Variants in CELF2 observed in about 807,000 individuals in gnomAD.
CELF2 encodes CUGBP Elav-like family member 2.
CELF2 carries 8 observed loss-of-function variants against 62.6 expected under a neutral mutation model. That is an observed-to-expected ratio of 0.13 (90% CI 0.07 to 0.23). The LOEUF (loss-of-function observed/expected upper bound fraction) is 0.23, where lower values mean the gene tolerates loss of function less well. Ranked by LOEUF, CELF2 falls within the 10% of genes least tolerant of loss-of-function variation. The pLI, the probability that CELF2 is intolerant of heterozygous loss-of-function variation, is 1.00. For missense variants in CELF2, 333 were observed against 671.0 expected (o/e 0.50, Z 5.56); for synonymous variants, 258 against 250.0 (o/e 1.03, Z -0.30).
chr10:11,030,320 A>G (rs916821439), intron 1 of CELF2: 1 of 152,244 alleles, frequency 6.6e-6, no homozygotes, highest in Non-Finnish European at 1.5e-5. Flanking sequence ...CCATCTCACA[A>G]ATGAGGATAT....
intron 1 of CELF2, among the ~76,000 whole-genome samples, chr10:10,856,829 A>T (rs1313595570): frequency 6.6e-6 from 1 of 152,206 alleles, no homozygotes; most frequent in East Asian, 1.9e-4. Context: ...CTTCAAACAA[A>T]CAAAAATTAA....
In CELF2 at chr10:11,017,909, G is replaced by A; in HGVS notation, c.-181G>A. 7 of 977,270 alleles carry A rather than the reference G, an allele frequency of 7.2e-6. No homozygotes were observed. Among genetic ancestry groups the A allele is most frequent in the Non-Finnish European group, 8.5e-6 (7 of 824,688 alleles). 60.5% of individuals were successfully genotyped at this position (977,270 alleles called of 1,614,324 possible). A position where few individuals can be genotyped will look rare whatever the true frequency, so the allele number is the denominator to read the frequency against. Reference sequence around the variant, plus strand: ...CGCACCTGGCGCTCGGCAGCCGGCCGCCCCGGCGCTGGATTTCGGAGGGGA... The same window carrying A: ...CGCACCTGGCGCTCGGCAGCCGGCCACCCCGGCGCTGGATTTCGGAGGGGA... On this transcript the variant is annotated 5_prime_UTR_variant, in exon 1 of 13. Transcript: ENST00000633077. This position sits in a 1 kb window ranked among gnomAD's most constrained non-coding sequence, Gnocchi z 5.5.
chr10:10,745,931 G>A, the CELF2 span, among the ~76,000 whole-genome samples: 2 of 152,174 alleles, frequency 1.3e-5, no homozygotes, highest in Non-Finnish European at 2.9e-5. Flanking sequence ...ATTATTTCCT[G>A]CCTGTCATTT....
chr10:11,051,348 T>G (rs977746966), intron 1 of CELF2, among the ~76,000 whole-genome samples: 1 of 152,204 alleles, frequency 6.6e-6, no homozygotes, highest in Non-Finnish European at 1.5e-5. Flanking sequence ...AACTAAAACA[T>G]AGAGTTCTCT....
chr10:10,971,329 G>A (rs1332868991), intron 2 of CELF2, among the ~76,000 whole-genome samples: 1 of 152,112 alleles, frequency 6.6e-6, no homozygotes, highest in Non-Finnish European at 1.5e-5. Flanking sequence ...TAGCTTCAGT[G>A]CCTCTGTTGA....
At chr10:10,472,648 C>T in the CELF2 span, among the ~76,000 whole-genome samples, 17 of 151,826 alleles carry the variant, frequency 1.1e-4, no homozygotes, top group African/African-American at 4.1e-4. Context: ...GTAAACTAGA[C>T]ATTGAAGGTA....
chr10:10,786,787 C>T, the CELF2 span: 2 of 152,126 alleles, frequency 1.3e-5, no homozygotes, highest in South Asian at 4.1e-4. Flanking sequence ...ATCTGAAAGA[C>T]AGTGAATTTA....
At chr10:10,473,990 G>C in the CELF2 span, among the ~76,000 whole-genome samples, 33 of 152,186 alleles carry the variant, frequency 2.2e-4, no homozygotes, top group East Asian at 6.0e-3. Flanking sequence ...ACTACTACTT[G>C]TGTCCTCTTC....
chr10:10,872,832 A>G (rs2060839090), intron 1 of CELF2, among the ~76,000 whole-genome samples: 1 of 152,146 alleles, frequency 6.6e-6, no homozygotes, highest in African/African-American at 2.4e-5. Flanking sequence ...TGGTTTATGG[A>G]GCAATGTTTT....
chr10:10,996,977 G>A (rs1179610652), intron 2 of CELF2, among the ~76,000 whole-genome samples: 1 of 152,104 alleles, frequency 6.6e-6, no homozygotes, highest in African/African-American at 2.4e-5. Context: ...TGTCCGTGTT[G>A]GAAACATCAG....
intron 1 of CELF2, among the ~76,000 whole-genome samples, chr10:11,048,210 C>T (rs748709859): frequency 2.0e-5 from 3 of 152,172 alleles, no homozygotes; most frequent in African/African-American, 4.8e-5. Context: ...TTAATCTCTA[C>T]GACACTGTCA....
chr10:10,647,534 A>T, the CELF2 span, among the ~76,000 whole-genome samples: 1,292 of 152,348 alleles, frequency 8.5e-3, 24 homozygotes, highest in African/African-American at 0.029. Context: ...TAGATTACTC[A>T]TCAATAAATG....
chr10:11,334,115 T>G lies in CELF2; in HGVS notation c.*5062T>G, dbSNP rs1295818179. On this transcript the variant is annotated 3_prime_UTR_variant, in exon 13 of 13. Coordinates refer to ENST00000633077, the MANE Select transcript of CELF2 (RefSeq NM_001326342.2). ...GTAAGTTTCACTTTTTATTCTGTAT[T>G]GTGCAGTTACACAATAAGGTAATTA... is the stretch of plus-strand genomic sequence containing the variant. The G allele has an allele frequency of 6.5e-6, 1 of 152,684 alleles. No individual in the cohort carries two copies. Among genetic ancestry groups the G allele is most frequent in the Non-Finnish European group, 1.5e-5 (1 of 68,048 alleles). The allele number at this position is 152,684 out of a possible 1,614,324, so 9.5% of individuals were successfully genotyped here. A position where few individuals can be genotyped will look rare whatever the true frequency, so the allele number is the denominator to read the frequency against.
intron 1 of CELF2, among the ~76,000 whole-genome samples, chr10:10,870,865 C>T (rs2060695982): frequency 6.6e-6 from 1 of 152,170 alleles, no homozygotes; most frequent in South Asian, 2.1e-4. Context: ...TTTACTGCCT[C>T]TTGTTCGTTA....
At chr10:11,038,764 GT>G (rs1391711839) in intron 1 of CELF2, among the ~76,000 whole-genome samples, 2 of 152,162 alleles carry the variant, frequency 1.3e-5, no homozygotes, top group African/African-American at 4.8e-5. Context: ...TCTAACATTA[GT>G]ATAAATATCT....
chr10:10,570,257 T>C, the CELF2 span, among the ~76,000 whole-genome samples: 66 of 152,200 alleles, frequency 4.3e-4, no homozygotes, highest in African/African-American at 1.4e-3. Flanking sequence ...TGAAGCACAA[T>C]TGTAAGATGT....
At chr10:11,194,425 T>C (rs1465057717) in intron 2 of CELF2, among the ~76,000 whole-genome samples, 1 of 152,206 alleles carries the variant, frequency 6.6e-6, no homozygotes, top group Non-Finnish European at 1.5e-5. Context: ...TTCAAAATTT[T>C]TAAATGAAAA....
At chr10:11,121,970 A>G (rs1407062558) in intron 1 of CELF2, among the ~76,000 whole-genome samples, 1 of 152,188 alleles carries the variant, frequency 6.6e-6, no homozygotes, top group Non-Finnish European at 1.5e-5. Flanking sequence ...CATGTGTGCC[A>G]GATAACCGCA....
chr10:10,733,910 C>G, the CELF2 span, among the ~76,000 whole-genome samples: 1 of 152,092 alleles, frequency 6.6e-6, no homozygotes, highest in African/African-American at 2.4e-5. Context: ...TAGCGACCCT[C>G]TTTAAGAATG....
Sources: allele counts gnomAD v4.1 joint callset (sites outside exome capture counted in the v4.1 genomes callset), GRCh38; gene constraint gnomAD v4.1.1; non-coding constraint Gnocchi (gnomAD v3.1); transcripts MANE v1.5; gene names NCBI Gene and HGNC (gene_info 2026-07-23, HGNC 2026-07-21).